The following FSTL5 variants were observed in gnomAD, a reference collection of about 807,000 sequenced individuals.
FSTL5 encodes follistatin like 5.
FSTL5 carries 62 observed loss-of-function variants against 89.1 expected under a neutral mutation model. That is an observed-to-expected ratio of 0.70 (90% CI 0.57 to 0.86). The LOEUF (loss-of-function observed/expected upper bound fraction) is 0.86, where lower values mean the gene tolerates loss of function less well. Among genes scored for constraint, FSTL5 ranks in the 40% least tolerant of loss-of-function variants. FSTL5 has a pLI of 0.00. For missense variants in FSTL5, 1,057 were observed against 1,001.6 expected (o/e 1.06, Z -0.75); for synonymous variants, 383 against 346.2 (o/e 1.11, Z -1.18).
chr4:161,614,006 A>T (rs1734751687), intron 7 of FSTL5, among the ~76,000 whole-genome samples: 1 of 152,254 alleles, frequency 6.6e-6, no homozygotes, highest in South Asian at 2.1e-4. Flanking sequence ...AAGATATACA[A>T]TTTCTGAGGG....
In FSTL5 at chr4:161,496,327, C is replaced by T. The variant is rs575819241; in HGVS notation, c.1458+3689G>A. ...TGATTTATATGTCAGCATGGCTAGC[C>T]TATGGTGCCCAGTTGTTTGGTCAAA... On this transcript the variant is annotated intron_variant, in intron 12 of 15. Transcript: ENST00000306100. 3.9e-5 allele frequency among the ~76,000 whole-genome samples: 6 copies of T among 152,200 alleles called. No homozygotes were observed. The South Asian group carries it at 1.2e-3, about 32-fold the overall frequency.
At chr4:161,571,004 C>CA (rs1254990109) in intron 8 of FSTL5, among the ~76,000 whole-genome samples, 14 of 151,984 alleles carry the variant, frequency 9.2e-5, no homozygotes, top group African/African-American at 3.4e-4. Flanking sequence ...GTCCCAGCTA[C>CA]TACTCGGGAG....
chr4:161,878,396 G>A (rs1732517066), intron 4 of FSTL5, among the ~76,000 whole-genome samples: 2 of 151,898 alleles, frequency 1.3e-5, no homozygotes, highest in Admixed American at 6.6e-5. Context: ...AAATATTGTT[G>A]GGAATTATTT....
At chr4:161,575,823 A>C (rs1459428344) in intron 8 of FSTL5, among the ~76,000 whole-genome samples, 4 of 152,152 alleles carry the variant, frequency 2.6e-5, no homozygotes, top group Admixed American at 2.6e-4. Flanking sequence ...TCTTGAGTTA[A>C]TCAGGCAAGA....
chr4:161,785,129 C>A (rs1026301196), intron 4 of FSTL5, among the ~76,000 whole-genome samples: 8 of 152,066 alleles, frequency 5.3e-5, no homozygotes, highest in African/African-American at 1.7e-4. Flanking sequence ...CAACATTCGA[C>A]TTTACGTGAA....
chr4:162,087,516 A>T (rs894495393), intron 2 of FSTL5, among the ~76,000 whole-genome samples: 7 of 152,140 alleles, frequency 4.6e-5, no homozygotes, highest in African/African-American at 1.7e-4. Context: ...AAAAAGAAAG[A>T]AAAGTACCAA....
At chr4:161,727,298 C>A (rs547674566) in intron 6 of FSTL5, among the ~76,000 whole-genome samples, 6 of 152,180 alleles carry the variant, frequency 3.9e-5, no homozygotes, top group Admixed American at 3.9e-4. Flanking sequence ...TGAATATATT[C>A]TAAAATGATT....
At chr4:161,767,133 A>G (rs1205848908) in intron 5 of FSTL5, among the ~76,000 whole-genome samples, 2 of 152,192 alleles carry the variant, frequency 1.3e-5, no homozygotes, top group Non-Finnish European at 2.9e-5. Context: ...TTCATAAGAA[A>G]TTATCATTAA....
intron 4 of FSTL5, among the ~76,000 whole-genome samples, chr4:161,836,474 A>G (rs1458589477): frequency 6.6e-6 from 1 of 151,908 alleles, no homozygotes; most frequent in Non-Finnish European, 1.5e-5. Flanking sequence ...AAAAAAAAGA[A>G]AAGAAAAGAA....
At chr4:161,902,691 C>CA (rs973917072) in intron 4 of FSTL5, among the ~76,000 whole-genome samples, 13 of 151,494 alleles carry the variant, frequency 8.6e-5, no homozygotes, top group East Asian at 5.9e-4. Flanking sequence ...ACTAAAAATA[C>CA]AAAAAAAATT....
chr4:161,795,409 T>G (rs143482926), intron 4 of FSTL5, among the ~76,000 whole-genome samples: 2 of 152,066 alleles, frequency 1.3e-5, no homozygotes, highest in African/African-American at 4.8e-5. Context: ...GAGCACTTCA[T>G]GAGAGGAAGG....
chr4:161,583,305 C>T (rs1733498136), intron 8 of FSTL5, among the ~76,000 whole-genome samples: 1 of 152,162 alleles, frequency 6.6e-6, no homozygotes, highest in Admixed American at 6.5e-5. Flanking sequence ...ATTTCCACAG[C>T]CATTTTGAAG....
At chr4:161,514,602 A>C (rs1049906349) in intron 10 of FSTL5, among the ~76,000 whole-genome samples, 18 of 152,316 alleles carry the variant, frequency 1.2e-4, no homozygotes, top group Non-Finnish European at 2.2e-4. Context: ...TACTCCCTAA[A>C]TCTATAAAAG....
chr4:162,117,488 C>A (rs1213326129), intron 1 of FSTL5, among the ~76,000 whole-genome samples: 1 of 152,088 alleles, frequency 6.6e-6, no homozygotes, highest in African/African-American at 2.4e-5. Context: ...GGGTTCTTAA[C>A]ATTTATAAAT....
At chr4:161,481,303 T>G (rs1729496554) in intron 12 of FSTL5, 134 bp from the exon 13 acceptor site, 1 of 472,580 alleles carries the variant, frequency 2.1e-6, no homozygotes. Context: ...ATATAAAGTT[T>G]AATTAATAGA....
At chr4:161,646,616 C>T (rs1027591735) in intron 7 of FSTL5, among the ~76,000 whole-genome samples, 9 of 152,004 alleles carry the variant, frequency 5.9e-5, no homozygotes, top group African/African-American at 1.9e-4. Context: ...AATCTTTTTA[C>T]AAACAAAAAA....
intron 6 of FSTL5, among the ~76,000 whole-genome samples, chr4:161,715,944 G>A (rs1738962936): frequency 6.6e-6 from 1 of 151,796 alleles, no homozygotes; most frequent in Admixed American, 6.5e-5. Context: ...CCCTATTCCA[G>A]GGACTGCATT....
chr4:161,605,981 G>T (rs937493225), intron 7 of FSTL5, among the ~76,000 whole-genome samples: 2 of 152,148 alleles, frequency 1.3e-5, no homozygotes, highest in African/African-American at 4.8e-5. Flanking sequence ...ATTATTGCGT[G>T]ACATGGCCTG....
At chr4:161,830,481 A>G (rs537585232) in intron 4 of FSTL5, among the ~76,000 whole-genome samples, 9 of 152,144 alleles carry the variant, frequency 5.9e-5, no homozygotes, top group African/African-American at 2.2e-4. Flanking sequence ...GTTTGCAGGC[A>G]TACTTTTTAT....
Sources: allele counts gnomAD v4.1 joint callset (sites outside exome capture counted in the v4.1 genomes callset), GRCh38; gene constraint gnomAD v4.1.1; transcripts MANE v1.5; gene names NCBI Gene and HGNC (gene_info 2026-07-23, HGNC 2026-07-21).